The following ADGRE2 variants were observed in gnomAD, a reference collection of about 807,000 sequenced individuals.
ADGRE2 encodes the protein adhesion G protein-coupled receptor E2, also known as CD97 antigen.
ADGRE2 carries 83 observed loss-of-function variants against 100.8 expected under a neutral mutation model. That is an observed-to-expected ratio of 0.82 (90% CI 0.69 to 0.99). ADGRE2 has a LOEUF of 0.99. ADGRE2 is among the 50% of genes least tolerant of loss of function. ADGRE2 has a pLI of 0.00. For missense variants in ADGRE2, 814 were observed against 1,035.7 expected (o/e 0.79, Z 2.94); for synonymous variants, 355 against 413.0 (o/e 0.86, Z 1.70).
rs866778179 is a variant in ADGRE2 at position 14,773,889 on chromosome 19, A to G, written c.199+49T>C. 3.9e-6 allele frequency: 6 copies of G among 1,543,296 alleles called. No individual in the cohort carries two copies. The Middle Eastern group carries it at 8.4e-4, about 217-fold the overall frequency. On this transcript the variant is annotated intron_variant, in intron 4 of 20. Coordinates refer to ENST00000315576, the MANE Select transcript of ADGRE2 (RefSeq NM_013447.4). ...CTCTGTCCCCCACTGGCACTGGGCTATGCCTCATAATCGCAGATGTCCCCT... is the reference window on the plus strand; with the variant it reads ...CTCTGTCCCCCACTGGCACTGGGCTGTGCCTCATAATCGCAGATGTCCCCT...
chr19:14,746,010 G>A (rs973765367), intron 18 of ADGRE2, among the ~76,000 whole-genome samples: 1 of 152,154 alleles, frequency 6.6e-6, no homozygotes, highest in African/African-American at 2.4e-5. Context: ...GTTGCTCTGG[G>A]ATTCACAAAC....
At chr19:14,756,426 T>TC in intron 11 of ADGRE2, 81 bp from the exon 12 acceptor site, 2 of 825,914 alleles carry the variant, frequency 2.4e-6, no homozygotes, top group Non-Finnish European at 4.1e-6. Context: ...ACTTAATATA[T>TC]ATACTATATA....
intron 18 of ADGRE2, among the ~76,000 whole-genome samples, chr19:14,745,046 C>T (rs111970780): frequency 6.6e-6 from 1 of 151,782 alleles, no homozygotes; most frequent in African/African-American, 2.4e-5. Flanking sequence ...CCCGCCACCA[C>T]GCCCAGCTAA....
chr19:14,760,486 T>G (rs1258836541), intron 11 of ADGRE2, among the ~76,000 whole-genome samples: 1 of 152,142 alleles, frequency 6.6e-6, no homozygotes, highest in South Asian at 2.1e-4. Context: ...CTCCAAAAGC[T>G]GAACATAGAA....
In ADGRE2 at chr19:14,776,914, A is replaced by C; in HGVS notation, c.-158T>G. 1.4e-6 allele frequency: 2 copies of C among 1,479,050 alleles called. No homozygotes were observed. Among genetic ancestry groups the C allele is most frequent in the Non-Finnish European group, 9.0e-7 (1 of 1,110,984 alleles). 91.6% of individuals were successfully genotyped at this position (1,479,050 alleles called of 1,614,324 possible). Reference sequence around the variant, plus strand: ...GCCGCTGGCCCAGGGCCCTCCCCGGAACTGGCGGTGCAGCTGGAAGCCAGC... The same window carrying C: ...GCCGCTGGCCCAGGGCCCTCCCCGGCACTGGCGGTGCAGCTGGAAGCCAGC... On this transcript the variant is annotated 5_prime_UTR_variant, in exon 2 of 21. Coordinates refer to ENST00000315576, the MANE Select transcript of ADGRE2 (RefSeq NM_013447.4).
intron 20 of ADGRE2, among the ~76,000 whole-genome samples, chr19:14,737,941 T>C (rs2524377): frequency 0.14 from 21,319 of 149,414 alleles, 1,821 homozygotes; most frequent in East Asian, 0.19. Flanking sequence ...GGTGCCACTG[T>C]ACTCCAGTCT....
chr19:14,751,618 C>G lies in ADGRE2; in HGVS notation c.1842G>C (p.Leu614Phe), dbSNP rs2524383. Residue 614 changes from leucine to phenylalanine, a missense_variant, in exon 16 of 21, where the codon TTG becomes TTC. This residue lies in a region of ADGRE2 where 569 missense variants were observed against 692.7 expected (regional missense o/e 0.82). Coordinates refer to ENST00000315576, the MANE Select transcript of ADGRE2 (RefSeq NM_013447.4). The stretch of plus-strand genomic sequence containing the variant: ...ACAGGGCCTCCAGCAGCATCCAGGT[C>G]AAGGTGGCCAGGTAGAGATAGTGCA... ...GTLHYLYLAT[L>F]TWMLLEALYL... 0.73 allele frequency: 1,173,453 copies of G among 1,613,554 alleles called. 430,084 individuals carry two copies. Among genetic ancestry groups the G allele is most frequent in the African/African-American group, 0.9 (67,709 of 74,930 alleles).
chr19:14,752,579 T>C, intron 14 of ADGRE2, 53 bp from the exon 15 acceptor site: 1 of 1,586,470 alleles, frequency 6.3e-7, no homozygotes, highest in Non-Finnish European at 8.6e-7. Context: ...TCTGGGGTAA[T>C]GACCCCACCA....
chr19:14,747,576 G>A (rs532714560), intron 16 of ADGRE2, among the ~76,000 whole-genome samples: 5 of 152,226 alleles, frequency 3.3e-5, no homozygotes, highest in Non-Finnish European at 5.9e-5. Context: ...GAGCCGAGGC[G>A]GGTGGATCAT....
chr19:14,728,974 AAAG>A (rs1278636931), downstream of ADGRE2, among the ~76,000 whole-genome samples: 1 of 152,174 alleles, frequency 6.6e-6, no homozygotes. Flanking sequence ...TCTCTCAAAT[AAAG>A]AAGGGGGAAG....
chr19:14,764,340 T>C, intron 11 of ADGRE2, 93 bp downstream of exon 11: 2 of 1,131,266 alleles, frequency 1.8e-6, no homozygotes, highest in Non-Finnish European at 2.6e-6. Flanking sequence ...AACACTGATA[T>C]ACAGGTGTGG....
chr19:14,747,198 T>C (rs904167447), intron 16 of ADGRE2, among the ~76,000 whole-genome samples: 7 of 152,140 alleles, frequency 4.6e-5, no homozygotes, highest in African/African-American at 1.2e-4. Flanking sequence ...ATCAGACACA[T>C]TCAAACAATG....
In ADGRE2 at chr19:14,759,501, ATATT is replaced by A. The variant is rs995189192; in HGVS notation, c.1085-3160_1085-3157del. Reference sequence around the variant, plus strand: ...GTATAAGTTATACATATATATATATATATTTTTTTTTTTTAGACGGAGTCTCACT... The same window carrying A: ...GTATAAGTTATACATATATATATATATTTTTTTTTTAGACGGAGTCTCACT... On this transcript the variant is annotated intron_variant, in intron 11 of 20. Coordinates refer to ENST00000315576, the MANE Select transcript of ADGRE2 (RefSeq NM_013447.4). 2.4e-3 allele frequency among the ~76,000 whole-genome samples: 203 copies of A among 86,206 alleles called. 2 individuals are homozygous for A. The highest frequency in any genetic ancestry group is 9.3e-3 in the African/African-American group (197 of 21,144). 56.6% of individuals were successfully genotyped at this position (86,206 alleles called of 152,430 possible). A position where few individuals can be genotyped will look rare whatever the true frequency, so the allele number is the denominator to read the frequency against.
intron 11 of ADGRE2, among the ~76,000 whole-genome samples, chr19:14,761,637 A>C (rs2043727989): frequency 6.6e-6 from 1 of 152,018 alleles, no homozygotes; most frequent in African/African-American, 2.4e-5. Flanking sequence ...TGCACAGGTG[A>C]ATGCTGGCAG....
At position 14,776,713 on chromosome 19, in the gene ADGRE2, C is replaced by G. The variant is rs746919960; in HGVS notation, c.31+13G>C. 3 of 1,612,100 alleles carry G rather than the reference C, an allele frequency of 1.9e-6. No individual in the cohort carries two copies. The African/African-American group carries it at 4.0e-5, about 22-fold the overall frequency. ...CCTCGCTACCACCCCCAGCGGGGCC[C>G]CAAAGTACTTACCGAGAAAGACGAG... On this transcript the variant is annotated intron_variant, in intron 2 of 20. Coordinates refer to ENST00000315576, the MANE Select transcript of ADGRE2 (RefSeq NM_013447.4).
chr19:14,751,706 T>A, intron 15 of ADGRE2, 35 bp from the exon 16 acceptor site: 7 of 1,537,340 alleles, frequency 4.6e-6, no homozygotes, highest in Non-Finnish European at 6.3e-6. Flanking sequence ...AGAGCGGCGA[T>A]CAGATTTGAG....
In ADGRE2 at chr19:14,743,891, C is replaced by T. The variant is rs192917337; in HGVS notation, c.2184-107G>A. 6.5e-4 allele frequency: 669 copies of T among 1,022,850 alleles called. 1 individual carries two copies. The highest frequency in any genetic ancestry group is 5.5e-4 in the Non-Finnish European group (382 of 692,940). 63.4% of individuals were successfully genotyped at this position (1,022,850 alleles called of 1,614,324 possible). On this transcript the variant is annotated intron_variant, in intron 18 of 20. Transcript: ENST00000315576. ...CTGCCCTCCCCTGTAGATGATTTCTCAGACTGGGCTGTGGTCAGCTTAGAT... is the reference window on the plus strand; with the variant it reads ...CTGCCCTCCCCTGTAGATGATTTCTTAGACTGGGCTGTGGTCAGCTTAGAT...
At chr19:14,750,772 T>A (rs2043260431) in intron 16 of ADGRE2, among the ~76,000 whole-genome samples, 1 of 152,228 alleles carries the variant, frequency 6.6e-6, no homozygotes, top group Non-Finnish European at 1.5e-5. Context: ...GATTTCATTC[T>A]TACTATTTCA....
chr19:14,769,382 C>T (rs184253712), intron 5 of ADGRE2, among the ~76,000 whole-genome samples: 100 of 152,254 alleles, frequency 6.6e-4, no homozygotes, highest in African/African-American at 2.3e-3. Flanking sequence ...CCCTGTGATG[C>T]CTGGAGTAAG....
Sources: gnomAD v4.1 joint callset for allele counts (sites outside exome capture counted in the v4.1 genomes callset) on GRCh38, gnomAD v4.1.1 for gene constraint, gnomAD v4.1.1 regional missense constraint, MANE v1.5 for transcripts, NCBI Gene and HGNC (gene_info 2026-07-23, HGNC 2026-07-21) for gene names.